The following DAB1 variants were observed in gnomAD, a reference collection of about 807,000 sequenced individuals.
The protein encoded by DAB1 is disabled homolog 1.
A neutral mutation model predicts 64.6 loss-of-function variants in DAB1; 15 were observed. The ratio of observed to expected loss-of-function variants is 0.23; its 90% CI spans 0.16 to 0.36. The LOEUF (loss-of-function observed/expected upper bound fraction) is 0.36, where lower values mean the gene tolerates loss of function less well. DAB1 is among the 10% of genes least tolerant of loss of function. DAB1 has a pLI of 1.00. For synonymous variants in DAB1, 235 were observed against 251.9 expected, an observed-to-expected ratio of 0.93 and a Z score of 0.64; for missense variants, 596 against 706.7, an observed-to-expected ratio of 0.84 and a Z score of 1.78.
intron 6 of DAB1, among the ~76,000 whole-genome samples, chr1:57,781,120 CTCTCTCTATATATATA>C (rs1351483484): frequency 5.6e-4 from 27 of 48,312 alleles, no homozygotes; most frequent in East Asian, 1.5e-3. Context: ...CTCTCTCTCT[CTCTCTCTATATATATA>C]TATATATATA....
chr1:57,957,174 C>T (rs114180209), intron 5 of DAB1, among the ~76,000 whole-genome samples: 2,121 of 152,152 alleles, frequency 0.014, 48 homozygotes, highest in African/African-American at 0.049. Flanking sequence ...GACTGGATGT[C>T]GAGGACCAGG....
intron 7 of DAB1, among the ~76,000 whole-genome samples, chr1:57,488,002 T>A (rs1644113146): frequency 6.6e-6 from 1 of 152,220 alleles, no homozygotes; most frequent in Non-Finnish European, 1.5e-5. Flanking sequence ...AAATCTTATA[T>A]TGCTATTGAG....
intron 5 of DAB1, among the ~76,000 whole-genome samples, chr1:58,010,287 C>A (rs1646648819): frequency 6.6e-6 from 1 of 152,148 alleles, no homozygotes; most frequent in Non-Finnish European, 1.5e-5. Flanking sequence ...CAGCTGCATT[C>A]TTTTACTACA....
At chr1:57,903,188 T>TA in intron 5 of DAB1, among the ~76,000 whole-genome samples, 1 of 152,306 alleles carries the variant, frequency 6.6e-6, no homozygotes, top group African/African-American at 2.4e-5. Context: ...TTATGGGAGC[T>TA]ACCATTCAAG....
At position 57,955,512 on chromosome 1, in the gene DAB1, T is replaced by C. The variant is rs1645371428; in HGVS notation, n.388-71350A>G. ...AGTAGTGTCTTGAGTGTCTTGTCGA[T>C]GACTCTGAGGATGGAATGTCATTTT... On this transcript the variant is annotated intron_variant and non_coding_transcript_variant, in intron 5 of 20. Transcript: ENST00000485760. Among the ~76,000 whole-genome samples, 3 of 127,184 alleles carry C rather than the reference T, an allele frequency of 2.4e-5. No homozygotes were observed. In the Admixed American group the frequency reaches 2.8e-4, roughly 12 times the overall value. 83.4% of individuals were successfully genotyped at this position (127,184 alleles called of 152,430 possible). A position where few individuals can be genotyped will look rare whatever the true frequency, so the allele number is the denominator to read the frequency against.
At chr1:57,464,989 G>A (rs1441805589) in intron 7 of DAB1, among the ~76,000 whole-genome samples, 11 of 151,802 alleles carry the variant, frequency 7.2e-5, no homozygotes, top group Non-Finnish European at 1.0e-4. Context: ...GTCTGGCAAC[G>A]TTACAAAGCT....
chr1:57,928,436 A>C (rs74833835), intron 5 of DAB1, among the ~76,000 whole-genome samples: 1 of 152,114 alleles, frequency 6.6e-6, no homozygotes, highest in Non-Finnish European at 1.5e-5. Context: ...ACAATTCATG[A>C]ACCTGCACTG....
At chr1:58,243,996 T>C (rs1281998620) in intron 4 of DAB1, among the ~76,000 whole-genome samples, 1 of 150,992 alleles carries the variant, frequency 6.6e-6, no homozygotes, top group African/African-American at 2.4e-5. Flanking sequence ...ATTTTAAGAG[T>C]AGCAACAAGG....
upstream of DAB1, among the ~76,000 whole-genome samples, chr1:57,428,843 A>C (rs1483658892): frequency 1.2e-3 from 61 of 49,590 alleles, 1 homozygote; most frequent in East Asian, 0.088. Flanking sequence ...GTCTTTTACA[A>C]AAAAAAAAAA....
chr1:57,287,310 AGCGATCC>A (rs1302904338), intron 2 of DAB1, among the ~76,000 whole-genome samples: 1 of 152,196 alleles, frequency 6.6e-6, no homozygotes, highest in Non-Finnish European at 1.5e-5. Flanking sequence ...CATAAGTTCA[AGCGATCC>A]ACCCACCTTA....
chr1:58,546,380 G>A (rs1188206439), intron 1 of DAB1, among the ~76,000 whole-genome samples: 1 of 152,218 alleles, frequency 6.6e-6, no homozygotes, highest in Non-Finnish European at 1.5e-5. Flanking sequence ...GGGGAGGGCA[G>A]GCGGCCCACG....
chr1:58,239,667 C>T (rs1414251529), intron 4 of DAB1, among the ~76,000 whole-genome samples: 1 of 152,140 alleles, frequency 6.6e-6, no homozygotes, highest in African/African-American at 2.4e-5. Context: ...CTTCAGCTCG[C>T]TTATATTATT....
chr1:58,038,630 C>T (rs1046914102), intron 5 of DAB1, among the ~76,000 whole-genome samples: 1 of 151,118 alleles, frequency 6.6e-6, no homozygotes, highest in Non-Finnish European at 1.5e-5. Context: ...GAGACCTGCC[C>T]TGATGGGGTG....
intron 7 of DAB1, among the ~76,000 whole-genome samples, chr1:57,488,260 G>A (rs1020496111): frequency 5.3e-5 from 8 of 151,902 alleles, no homozygotes; most frequent in African/African-American, 9.7e-5. Context: ...AAAATTAGCC[G>A]GCATGGTGGC....
chr1:57,549,299 C>T (rs185352959), intron 7 of DAB1, among the ~76,000 whole-genome samples: 13 of 152,246 alleles, frequency 8.5e-5, no homozygotes, highest in Admixed American at 2.0e-4. Context: ...ATCTTCAATA[C>T]CTTACACAAT....
rs574163662 is a variant in DAB1, at chr1:58,404,708, G to A, written n.258-61305C>T. On this transcript the variant is annotated intron_variant and non_coding_transcript_variant, in intron 3 of 20. Transcript: ENST00000485760. ...GACCCTAAGGATCTAGGTTCAAATG[G>A]TGTGTATGATGGGAGCAAATCACTA... is the stretch of plus-strand genomic sequence containing the variant. 4.2e-4 allele frequency among the ~76,000 whole-genome samples: 64 copies of A among 152,292 alleles called. 3 individuals are homozygous for A. The South Asian group carries it at 0.013, about 32-fold the overall frequency.
intron 5 of DAB1, among the ~76,000 whole-genome samples, chr1:57,901,694 T>A (rs970025023): frequency 6.6e-6 from 1 of 152,108 alleles, no homozygotes; most frequent in East Asian, 1.9e-4. Context: ...TACTCCCCAG[T>A]GCTTCCCAGT....
intron 1 of DAB1, among the ~76,000 whole-genome samples, chr1:57,369,954 C>T (rs1267455621): frequency 6.6e-6 from 1 of 152,174 alleles, no homozygotes; most frequent in Non-Finnish European, 1.5e-5. Context: ...TGTGCTCTGC[C>T]CTGGCATCAT....
intron 6 of DAB1, among the ~76,000 whole-genome samples, chr1:57,761,072 G>T (rs1475594844): frequency 1.3e-5 from 2 of 152,132 alleles, no homozygotes; most frequent in African/African-American, 4.8e-5. Flanking sequence ...AAGGAACTTG[G>T]GTCAGATCTA....
Sources: gnomAD v4.1 joint callset for allele counts (sites outside exome capture counted in the v4.1 genomes callset) on GRCh38, gnomAD v4.1.1 for gene constraint, MANE v1.5 for transcripts, NCBI Gene and HGNC (gene_info 2026-07-23, HGNC 2026-07-21) for gene names.